The following NETO2 variants were observed in gnomAD, a reference collection of about 807,000 sequenced individuals.
NETO2 encodes neuropilin and tolloid-like protein 2.
NETO2 carries 28 observed loss-of-function variants against 62.5 expected under a neutral mutation model. The ratio of observed to expected loss-of-function variants is 0.45; its 90% CI spans 0.33 to 0.61. The LOEUF (loss-of-function observed/expected upper bound fraction) is 0.61, where lower values mean the gene tolerates loss of function less well. NETO2 is among the 20% of genes least tolerant of loss of function. The pLI is 0.02. For missense variants in NETO2, 548 were observed against 643.2 expected (o/e 0.85, Z 1.60); for synonymous variants, 214 against 219.1 (o/e 0.98, Z 0.21).
At chr16:47,110,447 T>A (rs1963770849) in intron 6 of NETO2, among the ~76,000 whole-genome samples, 3 of 152,226 alleles carry the variant, frequency 2.0e-5, no homozygotes. Context: ...ATTTTAAGCA[T>A]TAATCTCCAG....
chr16:47,135,546 T>A (rs1317773816), intron 1 of NETO2, among the ~76,000 whole-genome samples: 2 of 152,198 alleles, frequency 1.3e-5, no homozygotes, highest in Non-Finnish European at 2.9e-5. Flanking sequence ...GAATTTAGTC[T>A]TATTTAGTCA....
chr16:47,095,525 A>G (rs981006105), intron 7 of NETO2, among the ~76,000 whole-genome samples: 5 of 152,208 alleles, frequency 3.3e-5, no homozygotes, highest in Non-Finnish European at 4.4e-5. Flanking sequence ...ATAGTTGCTA[A>G]AAGACAGCTA....
intron 7 of NETO2, among the ~76,000 whole-genome samples, chr16:47,103,082 C>T (rs576891625): frequency 2.0e-5 from 3 of 152,240 alleles, no homozygotes; most frequent in East Asian, 1.9e-4. Flanking sequence ...AAATGTGGCA[C>T]ATATATACCA....
At chr16:47,109,269 C>A (rs764441590) in intron 7 of NETO2, among the ~76,000 whole-genome samples, 9 of 151,642 alleles carry the variant, frequency 5.9e-5, no homozygotes, top group Non-Finnish European at 1.2e-4. Context: ...GAGTTTAAGG[C>A]CAGCCTGTGC....
At chr16:47,096,764 C>T (rs767219529) in intron 7 of NETO2, among the ~76,000 whole-genome samples, 3 of 152,226 alleles carry the variant, frequency 2.0e-5, no homozygotes, top group Non-Finnish European at 4.4e-5. Context: ...CGAATAGGAA[C>T]AGTTCCAGTC....
At chr16:47,092,190 T>C (rs1261734730) in intron 7 of NETO2, among the ~76,000 whole-genome samples, 1 of 152,102 alleles carries the variant, frequency 6.6e-6, no homozygotes, top group African/African-American at 2.4e-5. Context: ...ATACTCAGAA[T>C]GCCCCTCATG....
intron 7 of NETO2, among the ~76,000 whole-genome samples, chr16:47,095,990 T>C (rs1350305092): frequency 6.6e-6 from 1 of 152,084 alleles, no homozygotes; most frequent in Non-Finnish European, 1.5e-5. Flanking sequence ...AAACTAGATA[T>C]CAACAACTGA....
intron 4 of NETO2, among the ~76,000 whole-genome samples, chr16:47,123,510 A>G (rs1359156144): frequency 6.6e-6 from 1 of 152,016 alleles, no homozygotes; most frequent in East Asian, 1.9e-4. Flanking sequence ...AAAAAAAAAA[A>G]GGTTAAAGGG....
chr16:47,133,300 G>A (rs1048040161), intron 1 of NETO2, among the ~76,000 whole-genome samples: 21 of 151,908 alleles, frequency 1.4e-4, no homozygotes, highest in Middle Eastern at 3.2e-3. Context: ...AGGGCAGGGC[G>A]CTGGTGGCTC....
intron 7 of NETO2, among the ~76,000 whole-genome samples, chr16:47,095,181 A>G (rs942031279): frequency 3.3e-5 from 5 of 152,222 alleles, no homozygotes; most frequent in African/African-American, 9.7e-5. Flanking sequence ...CACAATCTCC[A>G]TAGTAACCAT....
intron 7 of NETO2, among the ~76,000 whole-genome samples, chr16:47,095,182 T>C (rs1963404183): frequency 6.6e-6 from 1 of 151,970 alleles, no homozygotes; most frequent in Non-Finnish European, 1.5e-5. Context: ...ACAATCTCCA[T>C]AGTAACCATA....
At chr16:47,089,315 G>A (rs1963263314) in intron 7 of NETO2, among the ~76,000 whole-genome samples, 1 of 152,092 alleles carries the variant, frequency 6.6e-6, no homozygotes, top group African/African-American at 2.4e-5. Flanking sequence ...AAAAAACAAT[G>A]GGCTAGTAAT....
chr16:47,128,196 A>C, intron 4 of NETO2, 129 bp downstream of exon 4: 1 of 1,156,724 alleles, frequency 8.6e-7, no homozygotes. Context: ...TTTCCCTTTG[A>C]CTTTGCTAAT....
At chr16:47,117,714 T>C (rs1963951230) in intron 6 of NETO2, among the ~76,000 whole-genome samples, 2 of 152,346 alleles carry the variant, frequency 1.3e-5, no homozygotes, top group South Asian at 4.1e-4. Context: ...TTTATTTCTC[T>C]GCTGAGTCCT....
At chr16:47,112,972 G>GAAAT (rs923446172) in intron 6 of NETO2, among the ~76,000 whole-genome samples, 9 of 152,202 alleles carry the variant, frequency 5.9e-5, no homozygotes, top group African/African-American at 2.2e-4. Context: ...ACCAATTATA[G>GAAAT]AAATAAATCA....
Position 47,143,722 on chromosome 16 carries a change from C to A in NETO2, c.-110G>T. ...GCCCCACTCCGTCCCCATCGCCGGCCAGCAGCTGCCTCCCCGCTCCCCTGA... is the reference window on the plus strand; with the variant it reads ...GCCCCACTCCGTCCCCATCGCCGGCAAGCAGCTGCCTCCCCGCTCCCCTGA... On this transcript the variant is annotated 5_prime_UTR_variant, in exon 1 of 9. Coordinates refer to ENST00000562435, the MANE Select transcript of NETO2 (RefSeq NM_018092.5). 1 of 1,183,690 alleles carries A rather than the reference C, an allele frequency of 8.4e-7. No homozygotes were observed. Among genetic ancestry groups the A allele is most frequent in the South Asian group, 4.3e-5 (1 of 23,450 alleles). The allele number at this position is 1,183,690 out of a possible 1,614,324, so 73.3% of individuals were successfully genotyped here.
At chr16:47,107,168 G>C (rs1963694173) in intron 7 of NETO2, among the ~76,000 whole-genome samples, 1 of 152,198 alleles carries the variant, frequency 6.6e-6, no homozygotes, top group African/African-American at 2.4e-5. Flanking sequence ...AGAAAATACA[G>C]ATGTATCTGC....
chr16:47,116,826 G>A (rs1963932580), intron 6 of NETO2, among the ~76,000 whole-genome samples: 1 of 152,136 alleles, frequency 6.6e-6, no homozygotes, highest in Admixed American at 6.5e-5. Flanking sequence ...TGTCTACTGG[G>A]ACATGTTTGG....
At chr16:47,095,001 G>A (rs998580485) in intron 7 of NETO2, among the ~76,000 whole-genome samples, 1 of 152,190 alleles carries the variant, frequency 6.6e-6, no homozygotes. Context: ...GAGCCGCTGT[G>A]CCTGGCCTAG....
Sources: gnomAD v4.1 joint callset for allele counts (sites outside exome capture counted in the v4.1 genomes callset) on GRCh38, gnomAD v4.1.1 for gene constraint, MANE v1.5 for transcripts, NCBI Gene and HGNC (gene_info 2026-07-23, HGNC 2026-07-21) for gene names.